ANKRD36C: variants seen among roughly 807,000 people sequenced by gnomAD.
ANKRD36C encodes ankyrin repeat domain-containing protein 36C.
Under a neutral mutation model 276.4 loss-of-function variants are expected in ANKRD36C, and 61 were observed. The ratio of observed to expected loss-of-function variants is 0.22; its 90% CI spans 0.18 to 0.27. The LOEUF (loss-of-function observed/expected upper bound fraction) is 0.27. Ranked by LOEUF, ANKRD36C falls within the 10% of genes least tolerant of loss-of-function variation. ANKRD36C has a pLI of 1.00. For synonymous variants in ANKRD36C, 483 were observed against 680.1 expected (o/e 0.71, Z 4.51); for missense variants, 1,447 against 2,032.3 (o/e 0.71, Z 5.54).
chr2:95,961,187 C>T (rs1156247322), intron 8 of ANKRD36C, among the ~76,000 whole-genome samples: 21 of 151,950 alleles, frequency 1.4e-4, no homozygotes, highest in South Asian at 6.2e-4. Context: ...GGAAGTGTCC[C>T]GAATTGATCA....
At chr2:95,852,085 A>G (rs534628225) in intron 65 of ANKRD36C, 41 bp downstream of exon 85, 1 of 1,573,326 alleles carries the variant, frequency 6.4e-7, no homozygotes, top group South Asian at 1.1e-5. Flanking sequence ...CCTTTGCTTT[A>G]TAAATACTCA....
At chr2:95,926,987 T>C (rs921568918) in intron 28 of ANKRD36C, among the ~76,000 whole-genome samples, 10 of 151,608 alleles carry the variant, frequency 6.6e-5, no homozygotes, top group Non-Finnish European at 1.5e-4. Flanking sequence ...CTTTAATGGC[T>C]CTCCAACGTT....
At chr2:95,947,726 A>G (rs1274798497) in intron 17 of ANKRD36C, among the ~76,000 whole-genome samples, 1 of 152,178 alleles carries the variant, frequency 6.6e-6, no homozygotes, top group African/African-American at 2.4e-5. Flanking sequence ...TTAGATAAAG[A>G]GTTTAAAGTA....
At chr2:95,917,433 A>AT (rs1478143999) in intron 36 of ANKRD36C, among the ~76,000 whole-genome samples, 3 of 151,536 alleles carry the variant, frequency 2.0e-5, no homozygotes, top group Admixed American at 6.6e-5. Flanking sequence ...CTTAGTTCTC[A>AT]TTCTACAGTG....
At chr2:95,972,434 A>C (rs1184587690) in intron 6 of ANKRD36C, among the ~76,000 whole-genome samples, 2 of 152,132 alleles carry the variant, frequency 1.3e-5, no homozygotes, top group African/African-American at 4.8e-5. Context: ...CATCCTGGTA[A>C]CTCCACAGGA....
intron 42 of ANKRD36C, among the ~76,000 whole-genome samples, chr2:95,908,261 G>C (rs1184614683): frequency 1.3e-5 from 2 of 150,250 alleles, no homozygotes; most frequent in Non-Finnish European, 3.0e-5. Flanking sequence ...CTTATGCCTT[G>C]AACTGCTCTC....
chr2:95,983,740 C>T (rs1200932847), intron 3 of ANKRD36C, among the ~76,000 whole-genome samples: 1 of 151,594 alleles, frequency 6.6e-6, no homozygotes, highest in Non-Finnish European at 1.5e-5. Context: ...CCTCAGCCTC[C>T]CGAGTAGCTG....
At chr2:95,851,541 C>T (rs1402903368) in intron 66 of ANKRD36C, 153 bp downstream of exon 86, 13 of 706,940 alleles carry the variant, frequency 1.8e-5, no homozygotes, top group Non-Finnish European at 2.8e-5. Context: ...AGGTACCATC[C>T]GCAAGATATT....
At chr2:95,883,274 G>T (rs1205986178) in intron 54 of ANKRD36C, among the ~76,000 whole-genome samples, 2 of 151,972 alleles carry the variant, frequency 1.3e-5, no homozygotes, top group African/African-American at 4.8e-5. Context: ...TTTACATTTG[G>T]AAATTACTCC....
intron 28 of ANKRD36C, among the ~76,000 whole-genome samples, chr2:95,926,330 T>C (rs1299519700): frequency 6.6e-6 from 1 of 151,744 alleles, no homozygotes; most frequent in African/African-American, 2.4e-5. Flanking sequence ...TGGAAATCCC[T>C]CCAATATTCA....
intron 30 of ANKRD36C, among the ~76,000 whole-genome samples, chr2:95,924,510 T>C (rs950972565): frequency 2.0e-5 from 3 of 151,680 alleles, no homozygotes; most frequent in Non-Finnish European, 4.4e-5. Flanking sequence ...ACATTTAACA[T>C]TATTTTTGTC....
chr2:95,885,554 ACTT>A (rs1377078559), intron 52 of ANKRD36C, among the ~76,000 whole-genome samples: 3 of 151,520 alleles, frequency 2.0e-5, no homozygotes, highest in East Asian at 1.9e-4. Flanking sequence ...TACATAAATA[ACTT>A]CTTCTTTTCT....
chr2:95,902,872 C>G lies in ANKRD36C; in HGVS notation c.2654-3536G>C, dbSNP rs1310582719. 5.1e-6 allele frequency: 8 copies of G among 1,560,498 alleles called. 1 individual carries two copies. Among genetic ancestry groups the G allele is most frequent in the Non-Finnish European group, 7.0e-6 (8 of 1,149,912 alleles). On this transcript the variant is annotated intron_variant, in intron 42 of 66. Transcript: ENST00000456556. ...CTGGACTGAACATGACATTAAATCT[C>G]TTTTCAAAATTACCTCTCCTAGTTT...
intron 17 of ANKRD36C, among the ~76,000 whole-genome samples, chr2:95,948,155 G>A (rs539210489): frequency 1.3e-5 from 2 of 152,234 alleles, no homozygotes; most frequent in East Asian, 1.9e-4. Flanking sequence ...CATTTAAACA[G>A]AGGTATTATT....
In ANKRD36C at chr2:95,893,572, T is replaced by C. The variant is rs759250486; in HGVS notation, c.2756-1712A>G. The C allele has an allele frequency of 6.8e-5, 107 of 1,564,266 alleles. 3 individuals carry two copies. Among genetic ancestry groups the C allele is most frequent in the Admixed American group, 6.7e-4 (36 of 53,394 alleles). Reference sequence around the variant, plus strand: ...TCTCCATCCTTTTTTTCTCTGGCTATATTCAAAACAGAATCTTCCTCGTCA... The same window carrying C: ...TCTCCATCCTTTTTTTCTCTGGCTACATTCAAAACAGAATCTTCCTCGTCA... On this transcript the variant is annotated intron_variant, in intron 44 of 66. Coordinates refer to ENST00000456556, the Ensembl canonical transcript of ANKRD36C.
chr2:95,951,603 A>G (rs1678199406), intron 14 of ANKRD36C, among the ~76,000 whole-genome samples, 195 bp from the exon 15 acceptor site: 1 of 152,294 alleles, frequency 6.6e-6, no homozygotes, highest in Non-Finnish European at 1.5e-5. Context: ...TGATACAGAT[A>G]TCTTCAAAAT....
Position 95,987,212 on chromosome 2 carries a change from A to G in ANKRD36C, c.198-6T>C. On this transcript the variant is annotated splice_region_variant and splice_polypyrimidine_tract_variant and intron_variant, in intron 1 of 66. Coordinates refer to ENST00000456556, the Ensembl canonical transcript of ANKRD36C. ...AGGCCAAATGTAGGGCGGTCCTGTG[A>G]GAGTGACAGGACTTTTTAAAACATG... 4 of 1,536,698 alleles carry G rather than the reference A, an allele frequency of 2.6e-6. No individual in the cohort carries two copies. The highest frequency in any genetic ancestry group is 3.5e-6 in the Non-Finnish European group (4 of 1,141,962).
At chr2:95,890,819 A>G (rs1454761229) in intron 46 of ANKRD36C, among the ~76,000 whole-genome samples, 4 of 151,590 alleles carry the variant, frequency 2.6e-5, no homozygotes, top group African/African-American at 7.3e-5. Context: ...AGAATTCAAC[A>G]TCATTTTTGT....
At position 95,967,906 on chromosome 2, in the gene ANKRD36C, T is replaced by C. The variant is rs192701073; in HGVS notation, c.800-5359A>G. ...AGTTTGAGACCAGCCTGGCCAAACA[T>C]GGTGAAACCCCATCTCAACAAAAAT... On this transcript the variant is annotated intron_variant, in intron 6 of 66. Coordinates refer to ENST00000456556, the Ensembl canonical transcript of ANKRD36C. Among the ~76,000 whole-genome samples, 4 of 152,080 alleles carry C rather than the reference T, an allele frequency of 2.6e-5. No homozygotes were observed. In the East Asian group the frequency reaches 7.7e-4, roughly 29 times the overall value.
Sources: gnomAD v4.1 joint callset for allele counts (sites outside exome capture counted in the v4.1 genomes callset) on GRCh38, gnomAD v4.1.1 for gene constraint, MANE v1.5 for transcripts, NCBI Gene and HGNC (gene_info 2026-07-23, HGNC 2026-07-21) for gene names.